GABRB3: variants seen among roughly 807,000 people sequenced by gnomAD.
GABRB3 encodes gamma-aminobutyric acid receptor subunit beta-3.
Under a neutral mutation model 52.1 loss-of-function variants are expected in GABRB3, and 14 were observed. The ratio of observed to expected loss-of-function variants is 0.27; its 90% CI spans 0.18 to 0.42. The LOEUF (loss-of-function observed/expected upper bound fraction) is 0.42, where lower values mean the gene tolerates loss of function less well. GABRB3 is among the 10% of genes least tolerant of loss of function. The pLI is 1.00. For synonymous variants in GABRB3, 260 were observed against 232.3 expected, an observed-to-expected ratio of 1.12 and a Z score of -1.08; for missense variants, 307 against 609.1, an observed-to-expected ratio of 0.50 and a Z score of 5.22.
intron 3 of GABRB3, among the ~76,000 whole-genome samples, chr15:26,688,720 A>G (rs886101539): frequency 6.6e-6 from 1 of 152,184 alleles, no homozygotes. Flanking sequence ...CATAGAAGTC[A>G]CTTTTGAGGA....
At chr15:26,597,825 A>AT (rs983522140) in intron 4 of GABRB3, among the ~76,000 whole-genome samples, 4 of 152,268 alleles carry the variant, frequency 2.6e-5, no homozygotes, top group Admixed American at 1.3e-4. Context: ...CTTCTTATCC[A>AT]TTTTTTCTCC....
At chr15:26,717,544 C>T (rs1401411607) in intron 3 of GABRB3, among the ~76,000 whole-genome samples, 1 of 152,200 alleles carries the variant, frequency 6.6e-6, no homozygotes, top group Non-Finnish European at 1.5e-5. Flanking sequence ...GAATTCTCCC[C>T]TTGTCCAAAT....
intron 3 of GABRB3, among the ~76,000 whole-genome samples, chr15:26,685,931 C>A (rs7167639): frequency 0.12 from 17,580 of 151,816 alleles, 1,092 homozygotes; most frequent in Non-Finnish European, 0.15. Flanking sequence ...CAGCTTCCCA[C>A]GTAGCTAGGA....
At chr15:26,639,607 G>A (rs1294805915) in intron 3 of GABRB3, among the ~76,000 whole-genome samples, 1 of 152,170 alleles carries the variant, frequency 6.6e-6, no homozygotes. Context: ...AGGATATGGA[G>A]GGAAAACTGT....
rs1424085398 is a variant in GABRB3, at chr15:26,546,301, ATC to A, written c.*1490_*1491del. 6 of 152,222 alleles carry A rather than the reference ATC, an allele frequency of 3.9e-5. No individual in the cohort carries two copies. Among genetic ancestry groups the A allele is most frequent in the East Asian group, 3.9e-4 (2 of 5,182 alleles). The allele number at this position is 152,222 out of a possible 1,614,324, so 9.4% of individuals were successfully genotyped here. On this transcript the variant is annotated 3_prime_UTR_variant, in exon 9 of 9. Coordinates refer to ENST00000311550, the MANE Select transcript of GABRB3 (RefSeq NM_000814.6). ...AAATATTGTTTACAAAAAATATATC[ATC>A]TCTTTTTTTTTTCTTTAGAAAGATC...
At chr15:26,653,508 T>C (rs1196250067) in intron 3 of GABRB3, among the ~76,000 whole-genome samples, 1 of 152,180 alleles carries the variant, frequency 6.6e-6, no homozygotes, top group African/African-American at 2.4e-5. Context: ...CACTCTCTGG[T>C]CCCCTAACTG....
At chr15:26,609,809 C>A (rs1365725393) in intron 4 of GABRB3, among the ~76,000 whole-genome samples, 1 of 152,130 alleles carries the variant, frequency 6.6e-6, no homozygotes, top group Non-Finnish European at 1.5e-5. Flanking sequence ...AAGTTTAGTT[C>A]AAATACTAGC....
At chr15:26,575,287 G>T (rs557292612) in intron 6 of GABRB3, among the ~76,000 whole-genome samples, 2 of 152,180 alleles carry the variant, frequency 1.3e-5, no homozygotes, top group Admixed American at 6.5e-5. Context: ...CCAGTTAAGC[G>T]CTGCCTTGGC....
At chr15:26,675,827 A>G (rs1397183171) in intron 3 of GABRB3, among the ~76,000 whole-genome samples, 1 of 152,188 alleles carries the variant, frequency 6.6e-6, no homozygotes, top group Non-Finnish European at 1.5e-5. Context: ...CACCAGGCAG[A>G]TGGTAAATGA....
At chr15:26,627,180 T>C (rs1375930046) in intron 3 of GABRB3, among the ~76,000 whole-genome samples, 1 of 151,722 alleles carries the variant, frequency 6.6e-6, no homozygotes, top group African/African-American at 2.4e-5. Flanking sequence ...AAACTGAATA[T>C]TTTTAACCCA....
intron 3 of GABRB3, among the ~76,000 whole-genome samples, chr15:26,672,027 T>C (rs1204846609): frequency 6.6e-6 from 1 of 152,232 alleles, no homozygotes; most frequent in Non-Finnish European, 1.5e-5. Flanking sequence ...AAATTTGGAA[T>C]AATTACCCTG....
chr15:26,693,804 T>C (rs571858062), intron 3 of GABRB3, among the ~76,000 whole-genome samples: 2 of 152,326 alleles, frequency 1.3e-5, no homozygotes, highest in African/African-American at 4.8e-5. Flanking sequence ...AGATGGAGCA[T>C]AGCCTACCTT....
chr15:26,721,905 TG>T, intron 3 of GABRB3, among the ~76,000 whole-genome samples: 1 of 152,208 alleles, frequency 6.6e-6, no homozygotes, highest in East Asian at 1.9e-4. Context: ...GAAAGACCAT[TG>T]GTCCATGATA....
At chr15:26,682,433 G>A (rs1051400665) in intron 3 of GABRB3, among the ~76,000 whole-genome samples, 6 of 152,196 alleles carry the variant, frequency 3.9e-5, no homozygotes, top group South Asian at 2.1e-4. Context: ...AGCAGGGCCC[G>A]TGAAAAGACC....
At chr15:26,655,042 G>A (rs1887324187) in intron 3 of GABRB3, among the ~76,000 whole-genome samples, 1 of 152,058 alleles carries the variant, frequency 6.6e-6, no homozygotes, top group South Asian at 2.1e-4. Flanking sequence ...AATAATTACT[G>A]TTTATTGTAG....
chr15:26,578,860 A>G (rs531839543), intron 6 of GABRB3, among the ~76,000 whole-genome samples: 34 of 152,326 alleles, frequency 2.2e-4, no homozygotes, highest in Admixed American at 9.1e-4. Context: ...TCACAGGCCA[A>G]CGTTCTTGGT....
At chr15:26,641,917 T>C (rs1380351651) in intron 3 of GABRB3, among the ~76,000 whole-genome samples, 1 of 151,626 alleles carries the variant, frequency 6.6e-6, no homozygotes, top group Non-Finnish European at 1.5e-5. Context: ...AGAGACAAGG[T>C]CTCACTGTGT....
intron 3 of GABRB3, among the ~76,000 whole-genome samples, chr15:26,760,609 ACTTTAT>A (rs943793120): frequency 7.9e-5 from 12 of 152,178 alleles, no homozygotes; most frequent in African/African-American, 2.7e-4. Context: ...ATTGCTTCAA[ACTTTAT>A]CTTTATTTTA....
rs184913736 is a variant in GABRB3 at position 26,679,966 on chromosome 15, G to A, written c.241-58432C>T. ...AATCTGGTGTGGTAGTTAATTTTAC[G>A]TGTCATTCATTTTGTTGGGTAGGCT... On this transcript the variant is annotated intron_variant, in intron 3 of 8. Coordinates refer to ENST00000311550, the MANE Select transcript of GABRB3 (RefSeq NM_000814.6). 5.9e-4 allele frequency among the ~76,000 whole-genome samples: 90 copies of A among 152,224 alleles called. 1 individual carries two copies. In the East Asian group the frequency reaches 6.0e-3, roughly 10 times the overall value.
Sources: gnomAD v4.1 joint callset for allele counts (sites outside exome capture counted in the v4.1 genomes callset) on GRCh38, gnomAD v4.1.1 for gene constraint, MANE v1.5 for transcripts, NCBI Gene and HGNC (gene_info 2026-07-23, HGNC 2026-07-21) for gene names.